Variants in SEMA3D observed in about 807,000 individuals in gnomAD.
SEMA3D encodes semaphorin-3D.
In SEMA3D, 84 loss-of-function variants were observed where a neutral mutation model predicts 100.1. The observed-to-expected ratio is 0.84, with a 90% confidence interval of 0.70 to 1.01. The LOEUF (loss-of-function observed/expected upper bound fraction) is 1.01, where lower values mean the gene tolerates loss of function less well. Ranked by LOEUF, SEMA3D falls within the 50% of genes least tolerant of loss-of-function variation. The probability of loss-of-function intolerance (pLI) is 0.00; values close to 1 mark genes in which losing one functional copy is unlikely to be tolerated. For synonymous variants in SEMA3D, 312 were observed against 320.7 expected (o/e 0.97, Z 0.29); for missense variants, 875 against 934.1 (o/e 0.94, Z 0.82).
At chr7:85,053,238 A>C (rs1791216311) in intron 9 of SEMA3D, among the ~76,000 whole-genome samples, 1 of 151,994 alleles carries the variant, frequency 6.6e-6, no homozygotes, top group Non-Finnish European at 1.5e-5. Context: ...AACTCAGTGA[A>C]GCATACACAG....
intron 3 of SEMA3D, among the ~76,000 whole-genome samples, chr7:85,102,779 A>AT (rs967052051): frequency 9.2e-5 from 14 of 152,104 alleles, no homozygotes; most frequent in African/African-American, 2.2e-4. Flanking sequence ...TGTTTATGTC[A>AT]TTTTTTTGTC....
At position 85,097,924 on chromosome 7, in the gene SEMA3D, A is replaced by G. The variant is rs147821428; in HGVS notation, c.193T>C (p.Ser65Pro). 0.018 allele frequency: 29,349 copies of G among 1,608,748 alleles called. 422 individuals are homozygous for G. Among genetic ancestry groups the G allele is most frequent in the Non-Finnish European group, 0.02 (23,997 of 1,176,538 alleles). ...SNSCIPFLGS[S>P]EGLDFQTLLL... Reference sequence around the variant, plus strand: ...AGAGTTTGAAAATCCAGTCCTTCTGATGAACCCAAAAAGGGAATACAGCTA... The same window carrying G: ...AGAGTTTGAAAATCCAGTCCTTCTGGTGAACCCAAAAAGGGAATACAGCTA... Residue 65 changes from serine to proline, a missense_variant, in exon 4 of 19, where the codon TCA becomes CCA. Coordinates refer to ENST00000284136, the MANE Select transcript of SEMA3D (RefSeq NM_001384900.1).
chr7:85,052,901 T>C (rs1241540926), intron 9 of SEMA3D, among the ~76,000 whole-genome samples: 1 of 152,014 alleles, frequency 6.6e-6, no homozygotes, highest in Admixed American at 6.6e-5. Flanking sequence ...CCTTTACCCA[T>C]TTTTATATAA....
intron 2 of SEMA3D, chr7:85,151,538 A>G (rs1207424521): frequency 4.4e-6 from 3 of 687,018 alleles, no homozygotes; most frequent in Non-Finnish European, 5.4e-6. Context: ...TAGACAATAT[A>G]TATTTCTATG....
At chr7:85,188,991 T>A (rs575580828), upstream of SEMA3D, among the ~76,000 whole-genome samples, 158 of 152,336 alleles carry the variant, frequency 1.0e-3, 8 homozygotes, top group South Asian at 0.033. Flanking sequence ...CCTGTGACAT[T>A]GTATTGTACT....
chr7:85,119,105 G>A (rs556517043), intron 3 of SEMA3D, among the ~76,000 whole-genome samples: 46 of 152,150 alleles, frequency 3.0e-4, no homozygotes, highest in Non-Finnish European at 5.0e-4. Context: ...TATATAAAAA[G>A]TCAAAAATAA....
chr7:85,073,826 A>G (rs1380032948), intron 5 of SEMA3D, among the ~76,000 whole-genome samples: 2 of 152,082 alleles, frequency 1.3e-5, no homozygotes. Context: ...GTTTTTTCTC[A>G]TGGACTTTTT....
intron 1 of SEMA3D, among the ~76,000 whole-genome samples, chr7:85,184,713 G>A (rs1791493894): frequency 6.6e-6 from 1 of 152,166 alleles, no homozygotes; most frequent in Non-Finnish European, 1.5e-5. Flanking sequence ...CTGTCTGTCA[G>A]CCCTTGACCC....
At chr7:85,209,819 T>C in the SEMA3D span, among the ~76,000 whole-genome samples, 1 of 152,080 alleles carries the variant, frequency 6.6e-6, no homozygotes, top group Non-Finnish European at 1.5e-5. Flanking sequence ...CATATTTAAT[T>C]CCCACAAGGT....
chr7:85,245,278 A>T, the SEMA3D span, among the ~76,000 whole-genome samples: 1 of 152,214 alleles, frequency 6.6e-6, no homozygotes, highest in Non-Finnish European at 1.5e-5. Flanking sequence ...TAAGAACAAG[A>T]GAACCTGCAG....
the SEMA3D span, among the ~76,000 whole-genome samples, chr7:85,193,674 T>G: frequency 2.0e-5 from 3 of 151,930 alleles, no homozygotes; most frequent in African/African-American, 7.3e-5. Context: ...AAAACAAAAC[T>G]GAGAAGCAAT....
At chr7:85,148,055 T>G (rs1044932795) in intron 2 of SEMA3D, among the ~76,000 whole-genome samples, 2 of 152,094 alleles carry the variant, frequency 1.3e-5, no homozygotes, top group Non-Finnish European at 2.9e-5. Context: ...TGGTCAGAGA[T>G]CACAATGACA....
chr7:85,166,822 A>G (rs1790919824), intron 1 of SEMA3D, among the ~76,000 whole-genome samples: 1 of 152,004 alleles, frequency 6.6e-6, no homozygotes, highest in Admixed American at 6.6e-5. Context: ...ATAAAAAATG[A>G]AAGCCCCGTT....
chr7:85,022,950 A>T (rs1790296571), intron 12 of SEMA3D, among the ~76,000 whole-genome samples: 1 of 151,932 alleles, frequency 6.6e-6, no homozygotes, highest in African/African-American at 2.4e-5. Context: ...TGATCTATAA[A>T]CATGAGAACA....
At chr7:85,035,976 C>A (rs1440337514) in intron 12 of SEMA3D, among the ~76,000 whole-genome samples, 2 of 151,962 alleles carry the variant, frequency 1.3e-5, no homozygotes, top group African/African-American at 4.8e-5. Flanking sequence ...ATTCGGAAAG[C>A]ATAGCTACCA....
chr7:85,049,190 A>G (rs1410219354), intron 9 of SEMA3D, among the ~76,000 whole-genome samples: 1 of 151,792 alleles, frequency 6.6e-6, no homozygotes, highest in African/African-American at 2.4e-5. Flanking sequence ...GAACAACAAA[A>G]ACTTTTGTGG....
intron 9 of SEMA3D, among the ~76,000 whole-genome samples, chr7:85,053,508 GTTGTTA>G (rs761677101): frequency 2.0e-5 from 3 of 152,028 alleles, no homozygotes; most frequent in Non-Finnish European, 4.4e-5. Flanking sequence ...TATTGCTAAA[GTTGTTA>G]TTGTTTTGTA....
Position 85,076,967 on chromosome 7 carries a change from G to A in SEMA3D, c.376-3886C>T, listed in dbSNP as rs190793341. Among the ~76,000 whole-genome samples, 229 of 152,012 alleles carry A rather than the reference G, an allele frequency of 1.5e-3. 1 individual carries two copies. Among genetic ancestry groups the A allele is most frequent in the African/African-American group, 4.9e-3 (203 of 41,492 alleles). ...TACAAAGAAAAAGAAATAGCCTGGCGCTGTGGCAGTTGCCTGTAATCCCAG... is the reference window on the plus strand; with the variant it reads ...TACAAAGAAAAAGAAATAGCCTGGCACTGTGGCAGTTGCCTGTAATCCCAG... On this transcript the variant is annotated intron_variant, in intron 5 of 18. Coordinates refer to ENST00000284136, the MANE Select transcript of SEMA3D (RefSeq NM_001384900.1).
chr7:85,149,126 A>G (rs13238401), intron 2 of SEMA3D, among the ~76,000 whole-genome samples: 5,378 of 152,254 alleles, frequency 0.035, 146 homozygotes, highest in Non-Finnish European at 0.052. Context: ...ATAAACAGTG[A>G]TAATATTATT....
Sources: allele counts gnomAD v4.1 joint callset (sites outside exome capture counted in the v4.1 genomes callset), GRCh38; gene constraint gnomAD v4.1.1; transcripts MANE v1.5; gene names NCBI Gene and HGNC (gene_info 2026-07-23, HGNC 2026-07-21).